ADGRV1: variants seen among roughly 807,000 people sequenced by gnomAD.
The protein encoded by ADGRV1 is G-protein coupled receptor 98.
In ADGRV1, 359 loss-of-function variants were observed where a neutral mutation model predicts 596.2. The ratio of observed to expected loss-of-function variants is 0.60; its 90% CI spans 0.55 to 0.66. The LOEUF is 0.66. Ranked by LOEUF, ADGRV1 falls within the 30% of genes least tolerant of loss-of-function variation. The pLI is 0.00. For synonymous variants in ADGRV1, 2,681 were observed against 2,679.2 expected (o/e 1.00, Z -0.02); for missense variants, 7,274 against 7,575.6 (o/e 0.96, Z 1.48).
intron 20 of ADGRV1, among the ~76,000 whole-genome samples, chr5:90,657,311 T>C (rs555022651): frequency 3.3e-5 from 5 of 151,842 alleles, no homozygotes; most frequent in Non-Finnish European, 7.4e-5. Flanking sequence ...AGTGGACTCC[T>C]GTAGTGATGT....
intron 83 of ADGRV1, among the ~76,000 whole-genome samples, chr5:90,899,599 T>TTGC (rs1771648755): frequency 6.6e-6 from 1 of 152,210 alleles, no homozygotes; most frequent in Non-Finnish European, 1.5e-5. Context: ...TCAGTACTTG[T>TTGC]CTTATAAATG....
At chr5:90,678,707 C>G (rs1744560634) in intron 25 of ADGRV1, among the ~76,000 whole-genome samples, 1 of 149,910 alleles carries the variant, frequency 6.7e-6, no homozygotes, top group Non-Finnish European at 1.5e-5. Flanking sequence ...CTTGCTTTTA[C>G]AAGAAACCCA....
intron 88 of ADGRV1, among the ~76,000 whole-genome samples, chr5:91,152,700 T>C (rs911577555): frequency 6.6e-6 from 1 of 152,202 alleles, no homozygotes; most frequent in Non-Finnish European, 1.5e-5. Context: ...AGGATGTCTC[T>C]CTGTCACCCA....
At chr5:91,114,145 G>C (rs1325484712) in intron 87 of ADGRV1, among the ~76,000 whole-genome samples, 1 of 152,082 alleles carries the variant, frequency 6.6e-6, no homozygotes, top group Non-Finnish European at 1.5e-5. Context: ...CTTGAACTTG[G>C]GAGGCAGAGG....
At chr5:90,620,892 T>C (rs1409841401) in intron 4 of ADGRV1, among the ~76,000 whole-genome samples, 1 of 152,208 alleles carries the variant, frequency 6.6e-6, no homozygotes, top group Non-Finnish European at 1.5e-5. Flanking sequence ...CAAAATTCTG[T>C]AGTCATCCCA....
intron 27 of ADGRV1, among the ~76,000 whole-genome samples, chr5:90,682,113 G>A (rs1033867306): frequency 2.6e-5 from 4 of 152,036 alleles, no homozygotes; most frequent in African/African-American, 4.8e-5. Flanking sequence ...TGATCCACCC[G>A]CCTTGGCCTC....
chr5:90,686,040 G>A (rs2149596158), intron 29 of ADGRV1, 45 bp downstream of exon 29: 1 of 1,225,694 alleles, frequency 8.2e-7, no homozygotes, highest in East Asian at 2.7e-5. Flanking sequence ...AGGGATGTAA[G>A]CACAGAGGGA....
Position 90,706,238 on chromosome 5 carries a change from C to G in ADGRV1, c.8574C>G (p.Ile2858Met). ...INREFGSLGAINVTYTTVPGM... is the reference protein window; with the variant it reads ...INREFGSLGAMNVTYTTVPGM... ...TGCAACCTATTCAATTAGGAGCTAT[C>G]AATGTCACATATACCACGGTTCCTG... Residue 2858 changes from isoleucine (I) to methionine (M), a missense_variant, in exon 38 of 90, where the codon ATC becomes ATG. By Grantham distance (10) the Ile-to-Met change is conservative. Transcript: ENST00000405460. 1 of 1,604,844 alleles carries G rather than the reference C, an allele frequency of 6.2e-7. No individual in the cohort carries two copies. The highest frequency in any genetic ancestry group is 1.7e-5 in the Admixed American group (1 of 57,868).
intron 83 of ADGRV1, among the ~76,000 whole-genome samples, chr5:90,937,977 T>G (rs1217554540): frequency 6.6e-6 from 1 of 152,236 alleles, no homozygotes. Context: ...TTGTTGATTT[T>G]ATTAATTGCC....
intron 1 of ADGRV1, among the ~76,000 whole-genome samples, chr5:90,587,707 G>T (rs756080800): frequency 5.3e-5 from 8 of 151,846 alleles, no homozygotes; most frequent in Admixed American, 4.6e-4. Flanking sequence ...ACAGGTGCGC[G>T]CCACCATGCC....
At chr5:90,693,836 T>C in intron 32 of ADGRV1, 54 bp from the exon 33 acceptor site, 7 of 1,323,554 alleles carry the variant, frequency 5.3e-6, no homozygotes, top group African/African-American at 1.5e-5. Context: ...TCTTCTCTAT[T>C]TGTAATTACT....
At chr5:90,889,012 G>T (rs1040272323) in intron 83 of ADGRV1, among the ~76,000 whole-genome samples, 1 of 152,080 alleles carries the variant, frequency 6.6e-6, no homozygotes, top group Non-Finnish European at 1.5e-5. Flanking sequence ...TGAGTCATTT[G>T]TCTGTTGAAT....
chr5:91,161,082 C>T (rs1241800456), intron 89 of ADGRV1, among the ~76,000 whole-genome samples: 1 of 152,132 alleles, frequency 6.6e-6, no homozygotes, highest in Non-Finnish European at 1.5e-5. Context: ...GGAGTTGGTA[C>T]TAGTTAAGTC....
At chr5:91,112,474 T>C (rs937669414) in intron 87 of ADGRV1, among the ~76,000 whole-genome samples, 1 of 152,164 alleles carries the variant, frequency 6.6e-6, no homozygotes, top group Non-Finnish European at 1.5e-5. Context: ...ACTCCAATAC[T>C]TGAAAGAGCA....
intron 54 of ADGRV1, among the ~76,000 whole-genome samples, chr5:90,754,333 A>G (rs1755591363): frequency 6.6e-6 from 1 of 152,198 alleles, no homozygotes; most frequent in Non-Finnish European, 1.5e-5. Flanking sequence ...ATAATTATTC[A>G]TATTAGCTGC....
Position 91,145,617 on chromosome 5 carries a change from A to G in ADGRV1, c.18433-4413A>G, listed in dbSNP as rs142911543. 1.7e-3 allele frequency among the ~76,000 whole-genome samples: 262 copies of G among 152,174 alleles called. 4 individuals are homozygous for G. The East Asian group carries it at 0.044, about 26-fold the overall frequency. On this transcript the variant is annotated intron_variant, in intron 87 of 89. Coordinates refer to ENST00000405460, the MANE Select transcript of ADGRV1 (RefSeq NM_032119.4). ...ACATGAAACTAATTCACTTATTATC[A>G]TACACAATTTAGAATATTATTATTG...
intron 1 of ADGRV1, among the ~76,000 whole-genome samples, chr5:90,588,776 G>C (rs1318060373): frequency 6.6e-6 from 1 of 152,222 alleles, no homozygotes; most frequent in Admixed American, 6.5e-5. Context: ...AGAGTCATAA[G>C]AAGTAGCTGA....
intron 11 of ADGRV1, among the ~76,000 whole-genome samples, chr5:90,638,922 A>G (rs1766606211): frequency 6.6e-6 from 1 of 152,186 alleles, no homozygotes; most frequent in Non-Finnish European, 1.5e-5. Context: ...AAAGTATAGA[A>G]TGTAAGCAAC....
chr5:90,712,308 G>C lies in ADGRV1; in HGVS notation c.9064G>C (p.Glu3022Gln). ...TPMILHFADG[E>Q]RYKNVNIMIL... ...CCAGATTCTTCATTTTGCTGATGGAGAAAGGTATAAAAATGTCAATATCAT... is the reference window on the plus strand; with the variant it reads ...CCAGATTCTTCATTTTGCTGATGGACAAAGGTATAAAAATGTCAATATCAT... Residue 3022 changes from glutamate to glutamine, a missense_variant, in exon 42 of 90, where the codon GAA (glutamate) becomes CAA (glutamine). Transcript: ENST00000405460. The C allele has an allele frequency of 6.5e-7, 1 of 1,545,322 alleles. No homozygotes were observed. Among genetic ancestry groups the C allele is most frequent in the Non-Finnish European group, 8.8e-7 (1 of 1,141,334 alleles).
Sources: allele counts gnomAD v4.1 joint callset (sites outside exome capture counted in the v4.1 genomes callset), GRCh38; gene constraint gnomAD v4.1.1; transcripts MANE v1.5; gene names NCBI Gene and HGNC (gene_info 2026-07-23, HGNC 2026-07-21).